SLC9A4: variants seen among roughly 807,000 people sequenced by gnomAD.
SLC9A4 encodes the protein solute carrier family 9 member A4.
Under a neutral mutation model 67.4 loss-of-function variants are expected in SLC9A4, and 63 were observed. The ratio of observed to expected loss-of-function variants is 0.93; its 90% CI spans 0.76 to 1.15. SLC9A4 has a LOEUF of 1.15. SLC9A4 is among the 50% of genes most tolerant of loss of function. The pLI is 0.00. For synonymous variants in SLC9A4, 393 were observed against 367.2 expected (o/e 1.07, Z -0.80); for missense variants, 1,089 against 987.7 (o/e 1.10, Z -1.38).
At chr2:102,483,045 C>T (rs1684499714) in intron 2 of SLC9A4, among the ~76,000 whole-genome samples, 1 of 152,132 alleles carries the variant, frequency 6.6e-6, no homozygotes, top group East Asian at 1.9e-4. Flanking sequence ...TTTGACTTCC[C>T]CAAAGTTTAA....
Position 102,525,138 on chromosome 2 carries a change from C to A in SLC9A4, c.1933C>A (p.Leu645Met). The change falls in exon 10 of 12, where the codon CTG becomes ATG. Residue 645 changes from leucine to methionine, a missense_variant. Transcript: ENST00000295269. ...GGAGAGCATGAGGAAAGGTCACAGC[C>A]TGCCCTGGGGAAAGCCGGTACATTG... ...LRESMRKGHS[L>M]PWGKPAGTKN... is the part of the protein sequence containing the mutation. 2 of 1,614,014 alleles carry A rather than the reference C, an allele frequency of 1.2e-6. No homozygotes were observed. The highest frequency in any genetic ancestry group is 1.7e-6 in the Non-Finnish European group (2 of 1,179,932).
Position 102,526,309 on chromosome 2 carries a change from G to T in SLC9A4, c.2001G>T (p.Gln667His). ...TCTCCTACCCCTACGGGAATCCTCA[G>T]TCTGCAGGAAGAGACACAAGGGCTG... is the stretch of plus-strand genomic sequence containing the variant. ...RYLSYPYGNP[Q>H]SAGRDTRAAG... The change falls in exon 11 of 12, where the codon CAG becomes CAT. Residue 667 changes from glutamine to histidine, a missense_variant. Coordinates refer to ENST00000295269, the MANE Select transcript of SLC9A4 (RefSeq NM_001011552.4). The T allele has an allele frequency of 6.2e-7, 1 of 1,613,920 alleles. No individual in the cohort carries two copies. Among genetic ancestry groups the T allele is most frequent in the Non-Finnish European group, 8.5e-7 (1 of 1,179,844 alleles).
chr2:102,476,641 T>TATA (rs1684339100), intron 1 of SLC9A4, among the ~76,000 whole-genome samples: 1 of 151,776 alleles, frequency 6.6e-6, no homozygotes, highest in Non-Finnish European at 1.5e-5. Flanking sequence ...AAAAGTTAAG[T>TATA]TTGGTTAAAA....
chr2:102,513,717 G>A (rs1337043809), intron 7 of SLC9A4, among the ~76,000 whole-genome samples: 1 of 152,192 alleles, frequency 6.6e-6, no homozygotes, highest in Non-Finnish European at 1.5e-5. Context: ...TGCGCTATTA[G>A]AATGGAACAC....
At position 102,473,572 on chromosome 2, in the gene SLC9A4, T is replaced by A; in HGVS notation, c.-188T>A. The A allele has an allele frequency of 1.5e-6, 1 of 665,390 alleles. No individual in the cohort carries two copies. Among genetic ancestry groups the A allele is most frequent in the Non-Finnish European group, 2.5e-6 (1 of 403,830 alleles). 41.2% of individuals were successfully genotyped at this position (665,390 alleles called of 1,614,324 possible). On this transcript the variant is annotated 5_prime_UTR_variant, in exon 1 of 12. Coordinates refer to ENST00000295269, the MANE Select transcript of SLC9A4 (RefSeq NM_001011552.4). The stretch of plus-strand genomic sequence containing the variant: ...CTGAGTTGCCTGAACACAAACGATT[T>A]AAACCAGATTAGAAAGTGTCTACAT...
At chr2:102,500,870 A>G (rs12712154) in intron 2 of SLC9A4, among the ~76,000 whole-genome samples, 69,705 of 151,856 alleles carry the variant, frequency 0.46, 17,127 homozygotes, top group Admixed American at 0.56. Flanking sequence ...ACTGTTCATG[A>G]TTATGAACAA....
intron 2 of SLC9A4, among the ~76,000 whole-genome samples, chr2:102,495,765 G>A (rs1209397033): frequency 1.3e-5 from 2 of 152,072 alleles, no homozygotes; most frequent in African/African-American, 2.4e-5. Context: ...TCAATGGAAG[G>A]CAAAGTCTGT....
chr2:102,478,761 T>A (rs1684386285), intron 1 of SLC9A4, 78 bp from the exon 2 acceptor site: 10 of 1,417,902 alleles, frequency 7.1e-6, no homozygotes, highest in Non-Finnish European at 8.7e-6. Context: ...CGGTCCTGTC[T>A]GCTTGACTTT....
At chr2:102,499,356 G>A (rs1246562493) in intron 2 of SLC9A4, among the ~76,000 whole-genome samples, 3 of 152,200 alleles carry the variant, frequency 2.0e-5, no homozygotes, top group Non-Finnish European at 2.9e-5. Context: ...TTCTCTAGGA[G>A]GGATTGTGGG....
intron 2 of SLC9A4, among the ~76,000 whole-genome samples, chr2:102,489,625 G>A (rs766408244): frequency 1.1e-4 from 17 of 152,090 alleles, no homozygotes; most frequent in Non-Finnish European, 1.0e-4. Context: ...TCCTCATTAC[G>A]TGTTCTGCCA....
Position 102,474,003 on chromosome 2 carries a change from C to T in SLC9A4, c.244C>T (p.Leu82Phe). 6.2e-7 allele frequency: 1 copy of T among 1,610,914 alleles called. No individual in the cohort carries two copies. The highest frequency in any genetic ancestry group is 8.5e-7 in the Non-Finnish European group (1 of 1,178,678). The change falls in exon 1 of 12, where the codon CTT becomes TTT. Residue 82 changes from leucine to phenylalanine, a missense_variant. By Grantham distance (22) the Leu-to-Phe change is conservative. Transcript: ENST00000295269. Reference sequence around the variant, plus strand: ...CACTCTCTGGATACTTCTAGCATCCCTTGCAAAAATAGGTAAGTCCTTAAA... The same window carrying T: ...CACTCTCTGGATACTTCTAGCATCCTTTGCAAAAATAGGTAAGTCCTTAAA... ...EVTLWILLAS[L>F]AKIGFHLYHR...
chr2:102,500,618 C>A (rs1415088455), intron 2 of SLC9A4, among the ~76,000 whole-genome samples: 1 of 152,154 alleles, frequency 6.6e-6, no homozygotes, highest in African/African-American at 2.4e-5. Flanking sequence ...CAAGCCATGC[C>A]CCTCACTGCC....
intron 3 of SLC9A4, among the ~76,000 whole-genome samples, chr2:102,504,533 T>C (rs987114884): frequency 2.6e-5 from 4 of 152,254 alleles, no homozygotes; most frequent in Non-Finnish European, 5.9e-5. Flanking sequence ...ATCCTTGAGA[T>C]GTTTATCTTT....
chr2:102,509,393 G>A (rs1039298829), intron 6 of SLC9A4, among the ~76,000 whole-genome samples: 4 of 152,158 alleles, frequency 2.6e-5, no homozygotes, highest in African/African-American at 9.7e-5. Context: ...CCAGCTTAAG[G>A]TCAGCTGATT....
chr2:102,480,951 A>G (rs180776640), intron 2 of SLC9A4, among the ~76,000 whole-genome samples: 2 of 152,320 alleles, frequency 1.3e-5, no homozygotes, highest in East Asian at 1.9e-4. Context: ...TGTGGTAACA[A>G]GAGGGTGAGG....
rs765516939 is a variant in SLC9A4 at position 102,508,118 on chromosome 2, C to T, written c.1238C>T (p.Thr413Ile). 3.7e-6 allele frequency: 6 copies of T among 1,614,184 alleles called. No individual in the cohort carries two copies. Among genetic ancestry groups the T allele is most frequent in the Admixed American group, 3.3e-5 (2 of 60,030 alleles). ...ALFYISNQFR[T>I]FPFSIKDQCI... ...TTCTATATCAGTAACCAGTTTCGGACTTTCCCCTTCTCCATCAAGGACCAG... is the reference window on the plus strand; with the variant it reads ...TTCTATATCAGTAACCAGTTTCGGATTTTCCCCTTCTCCATCAAGGACCAG... The change falls in exon 5 of 12, where the codon ACT becomes ATT. Residue 413 changes from threonine to isoleucine, a missense_variant. Coordinates refer to ENST00000295269, the MANE Select transcript of SLC9A4 (RefSeq NM_001011552.4).
At chr2:102,476,963 C>T (rs1157436804) in intron 1 of SLC9A4, among the ~76,000 whole-genome samples, 1 of 152,100 alleles carries the variant, frequency 6.6e-6, no homozygotes, top group African/African-American at 2.4e-5. Context: ...GGATGGTATT[C>T]CTTGGTGATA....
chr2:102,522,879 G>A (rs1348828006), intron 9 of SLC9A4, among the ~76,000 whole-genome samples: 1 of 152,130 alleles, frequency 6.6e-6, no homozygotes, highest in Non-Finnish European at 1.5e-5. Flanking sequence ...TTTGCCAAAA[G>A]TGGATGATAA....
At chr2:102,502,215 T>C (rs532386134) in intron 2 of SLC9A4, among the ~76,000 whole-genome samples, 34 of 152,336 alleles carry the variant, frequency 2.2e-4, no homozygotes, top group African/African-American at 7.9e-4. Flanking sequence ...GTACACCTGC[T>C]GCTGCTTTTC....
Sources: gnomAD v4.1 joint callset for allele counts (sites outside exome capture counted in the v4.1 genomes callset) on GRCh38, gnomAD v4.1.1 for gene constraint, MANE v1.5 for transcripts, NCBI Gene and HGNC (gene_info 2026-07-23, HGNC 2026-07-21) for gene names.